The following KAZN variants were observed in gnomAD, a reference collection of about 807,000 sequenced individuals.
KAZN encodes the protein kazrin, periplakin interacting protein.
KAZN carries 40 observed loss-of-function variants against 87.4 expected under a neutral mutation model. That is an observed-to-expected ratio of 0.46 (90% CI 0.36 to 0.60). KAZN has a LOEUF of 0.60. KAZN is among the 20% of genes least tolerant of loss of function. The probability of loss-of-function intolerance (pLI) is 0.00; values close to 1 mark genes in which losing one functional copy is unlikely to be tolerated. For missense variants in KAZN, 898 were observed against 1,073.9 expected (o/e 0.84, Z 2.29); for synonymous variants, 466 against 458.3 (o/e 1.02, Z -0.22).
At chr1:14,136,586 G>A (rs937692951) in intron 1 of KAZN, among the ~76,000 whole-genome samples, 8 of 150,766 alleles carry the variant, frequency 5.3e-5, no homozygotes, top group Non-Finnish European at 7.4e-5. Flanking sequence ...ATTCCAAAGA[G>A]CTTCCCAGCA....
chr1:14,675,717 C>G lies in KAZN; in HGVS notation c.226+76494C>G, dbSNP rs187396083. On this transcript the variant is annotated intron_variant, in intron 1 of 14. Transcript: ENST00000376030. ...CCATGCCTGATACCCTGTAGATACA[C>G]AGTAAATATTCTGGGGAGTGGATGT... Among the ~76,000 whole-genome samples the G allele has an allele frequency of 7.4e-3, 1,127 of 152,266 alleles. 7 individuals are homozygous for G. The highest frequency in any genetic ancestry group is 0.012 in the Non-Finnish European group (801 of 68,028).
chr1:13,948,026 C>T (rs1641211194), intron 1 of KAZN, among the ~76,000 whole-genome samples: 1 of 152,192 alleles, frequency 6.6e-6, no homozygotes, highest in Non-Finnish European at 1.5e-5. Context: ...AGGGCCCACT[C>T]AGATAATTCA....
intron 2 of KAZN, among the ~76,000 whole-genome samples, chr1:14,473,976 G>C (rs2148375812): frequency 1.3e-5 from 2 of 152,172 alleles, no homozygotes; most frequent in South Asian, 4.2e-4. Flanking sequence ...ATCATTCCCG[G>C]TCACATCACT....
At chr1:14,544,350 C>CTTTCTTTTTTTTTTTTTTTTTT (rs1553186409) in intron 2 of KAZN, among the ~76,000 whole-genome samples, 2 of 98,122 alleles carry the variant, frequency 2.0e-5, no homozygotes, top group Non-Finnish European at 3.8e-5. Flanking sequence ...TTCTTTCTTT[C>CTTTCTTTTTTTTTTTTTTTTTT]TTTTTTTTTT....
At chr1:14,333,118 T>G (rs1656970705) in intron 2 of KAZN, among the ~76,000 whole-genome samples, 1 of 152,108 alleles carries the variant, frequency 6.6e-6, no homozygotes, top group Admixed American at 6.5e-5. Context: ...CTCCCACTTA[T>G]AAGTGAGAAC....
chr1:14,779,688 T>A (rs781477716), intron 1 of KAZN, among the ~76,000 whole-genome samples: 11 of 152,224 alleles, frequency 7.2e-5, no homozygotes, highest in Non-Finnish European at 1.6e-4. Context: ...CTATGAACAG[T>A]TCCTGGGAAG....
At chr1:13,914,415 C>T (rs901681037) in intron 1 of KAZN, among the ~76,000 whole-genome samples, 1 of 152,244 alleles carries the variant, frequency 6.6e-6, no homozygotes, top group Non-Finnish European at 1.5e-5. Flanking sequence ...CTGGCTCAGA[C>T]GCGAGCTAAT....
At chr1:14,890,442 A>G (rs1239905354) in intron 1 of KAZN, among the ~76,000 whole-genome samples, 1 of 152,218 alleles carries the variant, frequency 6.6e-6, no homozygotes, top group Non-Finnish European at 1.5e-5. Flanking sequence ...AAGAAACTGA[A>G]TCTGTCAAAC....
chr1:13,922,350 C>T (rs1237599746), intron 1 of KAZN, among the ~76,000 whole-genome samples: 1 of 152,216 alleles, frequency 6.6e-6, no homozygotes, highest in Non-Finnish European at 1.5e-5. Context: ...TACTGATCCC[C>T]TGGCCTCTAA....
At chr1:14,548,663 C>T (rs543346568) in intron 2 of KAZN, among the ~76,000 whole-genome samples, 3 of 152,288 alleles carry the variant, frequency 2.0e-5, no homozygotes, top group East Asian at 1.9e-4. Flanking sequence ...CTTTTGAGCA[C>T]GTTGGCTGCA....
At position 15,033,086 on chromosome 1, in the gene KAZN, T is replaced by C. The variant is rs539474867; in HGVS notation, c.419-1663T>C. Among the ~76,000 whole-genome samples the C allele has an allele frequency of 2.6e-5, 4 of 152,330 alleles. No homozygotes were observed. The South Asian group carries it at 8.3e-4, about 32-fold the overall frequency. ...ACAACTATTCATGTGGCATTTATAT[T>C]TTACTAGGTATTGTAAGTGATCTAG... On this transcript the variant is annotated intron_variant, in intron 2 of 14. Transcript: ENST00000376030.
chr1:13,975,354 CTT>C (rs1638294877), intron 1 of KAZN, among the ~76,000 whole-genome samples: 1 of 152,190 alleles, frequency 6.6e-6, no homozygotes, highest in Admixed American at 6.5e-5. Context: ...AAAAAGGTCT[CTT>C]TATTCTAAGA....
At chr1:14,419,743 C>G (rs1665219932) in intron 2 of KAZN, among the ~76,000 whole-genome samples, 1 of 151,960 alleles carries the variant, frequency 6.6e-6, no homozygotes, top group African/African-American at 2.4e-5. Flanking sequence ...AGCGTTAGGA[C>G]TCTTAAGGCG....
chr1:14,998,522 C>T (rs1413906824), intron 2 of KAZN, among the ~76,000 whole-genome samples: 1 of 152,072 alleles, frequency 6.6e-6, no homozygotes, highest in Non-Finnish European at 1.5e-5. Context: ...GATGGAGGTG[C>T]TTTTATTGAC....
rs191987341 is a variant in KAZN, at chr1:14,539,628, C to T, written c.250-59355C>T. Among the ~76,000 whole-genome samples, 7 of 152,086 alleles carry T rather than the reference C, an allele frequency of 4.6e-5. No homozygotes were observed. The East Asian group carries it at 1.4e-3, about 29-fold the overall frequency. On this transcript the variant is annotated intron_variant, in intron 2 of 16. Transcript: ENST00000636203. ...GACGACTTTAGAGTGGTTCATAAGA[C>T]CCCTAGATATTTTTGTAAAACTTGG...
rs542883656 is a variant in KAZN at position 14,504,539 on chromosome 1, G to A, written c.250-94444G>A. Among the ~76,000 whole-genome samples, 4 of 152,318 alleles carry A rather than the reference G, an allele frequency of 2.6e-5. No individual in the cohort carries two copies. In the South Asian group the frequency reaches 8.3e-4, roughly 32 times the overall value. ...CCAGGAGAAGGTGCAACACGGAGTG[G>A]AAGCAGCTGATACGATGGGATCTGC... On this transcript the variant is annotated intron_variant, in intron 2 of 16. Transcript: ENST00000636203.
At chr1:14,028,850 C>T (rs1402696046) in intron 1 of KAZN, among the ~76,000 whole-genome samples, 2 of 151,954 alleles carry the variant, frequency 1.3e-5, no homozygotes, top group African/African-American at 2.4e-5. Flanking sequence ...ATATGTGCCA[C>T]ATTTTCTTAA....
chr1:14,319,096 T>C (rs1655873297), intron 2 of KAZN, among the ~76,000 whole-genome samples: 1 of 151,644 alleles, frequency 6.6e-6, no homozygotes, highest in Non-Finnish European at 1.5e-5. Context: ...TTCCTACTTC[T>C]TGGCCTGTCA....
intron 2 of KAZN, among the ~76,000 whole-genome samples, chr1:14,401,522 T>C (rs1408844680): frequency 6.6e-6 from 1 of 152,040 alleles, no homozygotes; most frequent in Non-Finnish European, 1.5e-5. Context: ...AGTTTTAGAA[T>C]CTATCAGTAT....
Sources: gnomAD v4.1 joint callset for allele counts (sites outside exome capture counted in the v4.1 genomes callset) on GRCh38, gnomAD v4.1.1 for gene constraint, MANE v1.5 for transcripts, NCBI Gene and HGNC (gene_info 2026-07-23, HGNC 2026-07-21) for gene names.